The following SERPINA7 variants were observed in gnomAD, a reference collection of about 807,000 sequenced individuals.
SERPINA7 encodes the protein serpin family A member 7.
SERPINA7 carries 14 observed loss-of-function variants against 16.0 expected under a neutral mutation model. The ratio of observed to expected loss-of-function variants is 0.88; its 90% CI spans 0.58 to 1.37. The LOEUF is 1.37. Among genes scored for constraint, SERPINA7 ranks in the 40% most tolerant of loss-of-function variants. The probability of loss-of-function intolerance (pLI) is 0.00; values close to 1 mark genes in which losing one functional copy is unlikely to be tolerated. For missense variants in SERPINA7, 335 were observed against 296.6 expected, an observed-to-expected ratio of 1.13 and a Z score of -0.95; for synonymous variants, 140 against 111.0, an observed-to-expected ratio of 1.26 and a Z score of -1.65.
At chrX:106,034,518 A>G in intron 3 of SERPINA7, 136 bp from the exon 4 acceptor site, 1 of 578,815 alleles carries the variant, frequency 1.7e-6, no homozygotes, top group East Asian at 3.5e-5. Context: ...ATGTAAGTCA[A>G]TACATGGCAC....
rs199991524 is a variant in SERPINA7, at chrX:106,036,923, T to C, written c.136A>G (p.Asn46Asp). The C allele has an allele frequency of 4.6e-5, 56 of 1,209,439 alleles. 1 individual carries two copies. Among genetic ancestry groups the C allele is most frequent in the Non-Finnish European group, 5.9e-5 (53 of 894,949 alleles). ...TACAGATTGAATGCAAAGTCAGCAT[T>C]AATGGATGACATCTTGTAGAGAGTG... ...NATLYKMSSI[N>D]ADFAFNLYRR... is the part of the protein sequence containing the mutation. The change falls in exon 2 of 5, where the codon AAT (asparagine) becomes GAT (aspartate). Residue 46 changes from asparagine (N) to aspartate (D), a missense_variant. Asn to Asp is a conservative substitution (Grantham distance 23). Transcript: ENST00000372563.
chrX:106,034,996 A>C (rs978517947), intron 3 of SERPINA7, 116 bp downstream of exon 3: 63 of 877,777 alleles, frequency 7.2e-5, no homozygotes, highest in Middle Eastern at 8.0e-4. Flanking sequence ...TCTAGTGATC[A>C]TACATAGCTG....
rs375380232 is a variant in SERPINA7 at position 106,035,127 on chromosome X, C to T, written c.881G>A (p.Arg294His). The change falls in exon 3 of 5, where the codon CGC becomes CAC. Residue 294 changes from arginine (R) to histidine (H), a missense_variant. By Grantham distance (29) the Arg-to-His change is conservative. Transcript: ENST00000372563. ...AGGCATTTACCCCTTCTGTAGTAAG[C>T]GGTTCCACTTCTTCAGTGTTTTAGA... ...MSSKTLKKWN[R>H]LLQKGWVDLF... 4.0e-5 allele frequency: 48 copies of T among 1,209,698 alleles called. No individual in the cohort carries two copies. Among genetic ancestry groups the T allele is most frequent in the African/African-American group, 8.7e-5 (5 of 57,198 alleles).
chrX:106,036,119 T>C (rs1204743472), intron 2 of SERPINA7, among the ~76,000 whole-genome samples: 1 of 112,349 alleles, frequency 8.9e-6, no homozygotes, highest in Non-Finnish European at 1.9e-5. Context: ...TATGTCTACT[T>C]GACAAGTGCA....
rs61754490 is a variant in SERPINA7, at chrX:106,034,293, T to A, written c.986A>T (p.Tyr329Phe). Reference sequence around the variant, plus strand: ...TCCAGAAAAATCAGCATTTTCAGAATAGGCATGCTGAATGCCCATCTTCAA... The same window carrying A: ...TCCAGAAAAATCAGCATTTTCAGAAAAGGCATGCTGAATGCCCATCTTCAA... The part of the protein sequence containing the change: ...TLLKMGIQHA[Y>F]SENADFSGLT... The change falls in exon 4 of 5, where the codon TAT (tyrosine) becomes TTT (phenylalanine). Residue 329 changes from tyrosine to phenylalanine, a missense_variant. Coordinates refer to ENST00000372563, the MANE Select transcript of SERPINA7 (RefSeq NM_000354.6). The A allele has an allele frequency of 1.9e-3, 2,288 of 1,206,818 alleles. 7 individuals carry two copies. Among genetic ancestry groups the A allele is most frequent in the Non-Finnish European group, 2.4e-3 (2,135 of 892,171 alleles).
Position 106,033,211 on chromosome X carries a change from C to A in SERPINA7, c.*289G>T. 1 of 339,169 alleles carries A rather than the reference C, an allele frequency of 2.9e-6. No individual in the cohort carries two copies. Among genetic ancestry groups the A allele is most frequent in the South Asian group, 4.1e-5 (1 of 24,559 alleles). 28.0% of individuals were successfully genotyped at this position (339,169 alleles called of 1,213,427 possible). A position where few individuals can be genotyped will look rare whatever the true frequency, so the allele number is the denominator to read the frequency against. ...ACAGAAAAGGGAAAATTTTTCAACC[C>A]AGTCAAATTTATTAGAGCAAATGAG... On this transcript the variant is annotated 3_prime_UTR_variant, in exon 5 of 5. Coordinates refer to ENST00000372563, the MANE Select transcript of SERPINA7 (RefSeq NM_000354.6).
intron 2 of SERPINA7, among the ~76,000 whole-genome samples, chrX:106,035,751 A>C (rs1487440734): frequency 1.8e-5 from 2 of 112,380 alleles, no homozygotes; most frequent in African/African-American, 3.2e-5. Flanking sequence ...TAGCCAATCT[A>C]TCTATGTGTG....
intron 2 of SERPINA7, 32 bp downstream of exon 2, chrX:106,036,405 C>A (rs1336004791): frequency 8.3e-7 from 1 of 1,206,692 alleles, no homozygotes. Flanking sequence ...TATCTGAGCC[C>A]TAGACTGAAA....
At chrX:106,033,825 T>A in intron 4 of SERPINA7, 122 bp from the exon 5 acceptor site, 1 of 1,131,764 alleles carries the variant, frequency 8.8e-7, no homozygotes, top group Non-Finnish European at 1.2e-6. Context: ...ATGTTGATGG[T>A]GCTAGAATAT....
rs903028324 is a variant in SERPINA7 at position 106,036,761 on chromosome X, G to C, written c.298C>G (p.Leu100Val). 1 of 1,208,875 alleles carries C rather than the reference G, an allele frequency of 8.3e-7. No individual in the cohort carries two copies. The highest frequency in any genetic ancestry group is 1.8e-5 in the African/African-American group (1 of 56,956). Residue 100 changes from leucine to valine, a missense_variant, in exon 2 of 5, where the codon CTC (leucine) becomes GTC (valine). Coordinates refer to ENST00000372563, the MANE Select transcript of SERPINA7 (RefSeq NM_000354.6). ...ATCTCTACCATTGGAGTGTCTGTGA[G>C]GTTGAACCCCAAGGTCTCCACAATC... ...TEIVETLGFN[L>V]TDTPMVEIQH...
In SERPINA7 at chrX:106,032,820, T is replaced by C. The variant is rs922315805; in HGVS notation, c.*680A>G. The C allele has an allele frequency of 2.7e-5, 3 of 112,963 alleles. No individual in the cohort carries two copies. Among genetic ancestry groups the C allele is most frequent in the Non-Finnish European group, 5.5e-5 (3 of 54,148 alleles). 9.3% of individuals were successfully genotyped at this position (112,963 alleles called of 1,213,427 possible). A position where few individuals can be genotyped will look rare whatever the true frequency, so the allele number is the denominator to read the frequency against. The stretch of plus-strand genomic sequence containing the variant: ...ACAGAAAAAGAGGGTCTATGAGATA[T>C]GACATGAATGAATTACTTTCTTTCT... On this transcript the variant is annotated 3_prime_UTR_variant, in exon 5 of 5. Coordinates refer to ENST00000372563, the MANE Select transcript of SERPINA7 (RefSeq NM_000354.6).
chrX:106,036,965 A>G lies in SERPINA7; in HGVS notation c.94T>C (p.Ser32Pro). ...TAGAGAGTGGCATTTGGTTGGGATGAATGGCAGGCTGTTACTTTGCCTTCA... is the reference window on the plus strand; with the variant it reads ...TAGAGAGTGGCATTTGGTTGGGATGGATGGCAGGCTGTTACTTTGCCTTCA... ...SPEGKVTACH[S>P]SQPNATLYKM... Residue 32 changes from serine to proline, a missense_variant, in exon 2 of 5, where the codon TCA becomes CCA. Physicochemically the swap from Ser to Pro is moderately conservative, Grantham distance 74. Transcript: ENST00000372563. 1 of 1,211,061 alleles carries G rather than the reference A, an allele frequency of 8.3e-7. No homozygotes were observed. Among genetic ancestry groups the G allele is most frequent in the South Asian group, 1.8e-5 (1 of 56,955 alleles).
At chrX:106,034,460 G>A in intron 3 of SERPINA7, 78 bp from the exon 4 acceptor site, 1 of 890,294 alleles carries the variant, frequency 1.1e-6, no homozygotes, top group African/African-American at 1.9e-5. Flanking sequence ...TCTCATGATG[G>A]TATTATATTG....
At position 106,036,996 on chromosome X, in the gene SERPINA7, T is replaced by C. The variant is rs765770634; in HGVS notation, c.63A>G (p.Ala21=). 16 of 1,207,444 alleles carry C rather than the reference T, an allele frequency of 1.3e-5. No individual in the cohort carries two copies. In the African/African-American group the frequency reaches 2.6e-4, roughly 20 times the overall value. Reference sequence around the variant, plus strand: ...AGGCTGTTACTTTGCCTTCAGGTGATGCACAGTGGATTGTAGCATGAAGCC... The same window carrying C: ...AGGCTGTTACTTTGCCTTCAGGTGACGCACAGTGGATTGTAGCATGAAGCC... ...VLGLHATIHC[A]SPEGKVTACH... is the part of the protein sequence containing the mutation. The change falls in exon 2 of 5, where the codon GCA becomes GCG. Residue 21 remains alanine, a synonymous_variant. Coordinates refer to ENST00000372563, the MANE Select transcript of SERPINA7 (RefSeq NM_000354.6).
chrX:106,038,199 G>A (rs2041466281), intron 1 of SERPINA7, among the ~76,000 whole-genome samples: 2 of 111,362 alleles, frequency 1.8e-5, no homozygotes, highest in African/African-American at 3.3e-5. Context: ...TACACCTTAA[G>A]CTTGCTCCCT....
In SERPINA7 at chrX:106,034,244, T is replaced by A; in HGVS notation, c.1035A>T (p.Lys345Asn). 15 of 1,210,524 alleles carry A rather than the reference T, an allele frequency of 1.2e-5. No homozygotes were observed. Among genetic ancestry groups the A allele is most frequent in the Non-Finnish European group, 1.7e-5 (15 of 894,518 alleles). ...TAGTTTATCAACTTACATTGGAAAG[T>A]TTCAGACCATTGTCCTCTGTGAGTC... ...FSGLTEDNGL[K>N]LSNAAHKAVL... The change falls in exon 4 of 5, where the codon AAA (lysine) becomes AAT (asparagine). Residue 345 changes from lysine to asparagine, a missense_variant. Physicochemically the swap from Lys to Asn is moderately conservative, Grantham distance 94. Coordinates refer to ENST00000372563, the MANE Select transcript of SERPINA7 (RefSeq NM_000354.6).
At position 106,035,156 on chromosome X, in the gene SERPINA7, C is replaced by T. The variant is rs145727317; in HGVS notation, c.852G>A (p.Met284Ile). The T allele has an allele frequency of 3.4e-5, 41 of 1,209,993 alleles. No individual in the cohort carries two copies. In the African/African-American group the frequency reaches 6.5e-4, roughly 19 times the overall value. The stretch of plus-strand genomic sequence containing the variant: ...TCCACTTCTTCAGTGTTTTAGATGA[C>T]ATGGCAGCTTCCACTGACTCCATCT... ...EGQMESVEAA[M>I]SSKTLKKWNR... is the part of the protein sequence containing the mutation. The change falls in exon 3 of 5, where the codon ATG becomes ATA. Residue 284 changes from methionine to isoleucine, a missense_variant. Transcript: ENST00000372563.
chrX:106,034,256 G>A lies in SERPINA7; in HGVS notation c.1023C>T (p.Asp341=). ...ENADFSGLTE[D]NGLKLSNAAH... ...TTACATTGGAAAGTTTCAGACCATT[G>A]TCCTCTGTGAGTCCAGAAAAATCAG... Residue 341 remains aspartate, a synonymous_variant, in exon 4 of 5, where the codon GAC becomes GAT. Transcript: ENST00000372563. 1 of 1,210,333 alleles carries A rather than the reference G, an allele frequency of 8.3e-7. No individual in the cohort carries two copies. The highest frequency in any genetic ancestry group is 1.1e-6 in the Non-Finnish European group (1 of 894,440).
At chrX:106,033,752 T>G (rs2041426661) in intron 4 of SERPINA7, 49 bp from the exon 5 acceptor site, 1 of 1,208,717 alleles carries the variant, frequency 8.3e-7, no homozygotes, top group African/African-American at 1.8e-5. Flanking sequence ...ACAGGAACAG[T>G]CTTTGGGAAG....
Sources: allele counts gnomAD v4.1 joint callset (sites outside exome capture counted in the v4.1 genomes callset), GRCh38; gene constraint gnomAD v4.1.1; transcripts MANE v1.5; gene names NCBI Gene and HGNC (gene_info 2026-07-23, HGNC 2026-07-21).